ACVR1C: variants seen among roughly 807,000 people sequenced by gnomAD.
The protein encoded by ACVR1C is activin A receptor type 1C, also known as activin receptor type-1C.
ACVR1C carries 23 observed loss-of-function variants against 57.9 expected under a neutral mutation model. The observed-to-expected ratio is 0.40, with a 90% CI of 0.29 to 0.56. ACVR1C has a LOEUF of 0.56. ACVR1C is among the 20% of genes least tolerant of loss of function. The pLI, the probability that ACVR1C is intolerant of heterozygous loss-of-function variation, is 0.50. For synonymous variants in ACVR1C, 214 were observed against 215.3 expected (o/e 0.99, Z 0.05); for missense variants, 480 against 607.9 (o/e 0.79, Z 2.21).
intron 1 of ACVR1C, among the ~76,000 whole-genome samples, chr2:157,615,162 A>T (rs985201112): frequency 3.3e-5 from 5 of 152,122 alleles, no homozygotes; most frequent in Middle Eastern, 3.4e-3. Flanking sequence ...CATTTTAAAA[A>T]TATTTTTAAG....
intron 2 of ACVR1C, among the ~76,000 whole-genome samples, chr2:157,580,773 G>A (rs1381089382): frequency 3.3e-5 from 5 of 152,206 alleles, no homozygotes; most frequent in South Asian, 2.1e-4. Context: ...ACTGTATCAC[G>A]AGGCTGGGAA....
At chr2:157,616,344 T>C (rs1465279713) in intron 1 of ACVR1C, among the ~76,000 whole-genome samples, 1 of 152,140 alleles carries the variant, frequency 6.6e-6, no homozygotes, top group Non-Finnish European at 1.5e-5. Flanking sequence ...GTCAGGTCAA[T>C]TGATGAGCAC....
intron 1 of ACVR1C, among the ~76,000 whole-genome samples, chr2:157,615,250 T>C (rs986732000): frequency 6.6e-6 from 1 of 151,248 alleles, no homozygotes; most frequent in African/African-American, 2.4e-5. Flanking sequence ...GAGGATCACT[T>C]GAGGCCAGGA....
Position 157,575,238 on chromosome 2 carries a change from C to T in ACVR1C, c.304+11949G>A, listed in dbSNP as rs191446300. ...CCGCCTCCCGGGTTCAAGCGATTCTCCTGTCTCAGCCTCCTGAGTGAGTAG... is the reference window on the plus strand; with the variant it reads ...CCGCCTCCCGGGTTCAAGCGATTCTTCTGTCTCAGCCTCCTGAGTGAGTAG... On this transcript the variant is annotated intron_variant, in intron 2 of 8. Transcript: ENST00000243349. Among the ~76,000 whole-genome samples the T allele has an allele frequency of 6.1e-3, 918 of 151,542 alleles. 2 individuals are homozygous for T. Among genetic ancestry groups the T allele is most frequent in the African/African-American group, 0.021 (855 of 41,252 alleles).
At chr2:157,574,220 G>A (rs1461159768) in intron 2 of ACVR1C, among the ~76,000 whole-genome samples, 1 of 152,162 alleles carries the variant, frequency 6.6e-6, no homozygotes, top group Non-Finnish European at 1.5e-5. Flanking sequence ...CATAGTTCTG[G>A]AGGCTAGGAA....
intron 1 of ACVR1C, among the ~76,000 whole-genome samples, chr2:157,622,745 C>A (rs1682809174): frequency 6.6e-6 from 1 of 152,082 alleles, no homozygotes; most frequent in Non-Finnish European, 1.5e-5. Flanking sequence ...CCAAAGCAAA[C>A]ATGGACAAAT....
chr2:157,550,882 A>G (rs1329842003), intron 3 of ACVR1C, among the ~76,000 whole-genome samples: 1 of 152,208 alleles, frequency 6.6e-6, no homozygotes, highest in Non-Finnish European at 1.5e-5. Flanking sequence ...CATGTGAGAT[A>G]ATGATATTAC....
At chr2:157,541,464 G>A (rs1687623985) in intron 6 of ACVR1C, among the ~76,000 whole-genome samples, 1 of 152,150 alleles carries the variant, frequency 6.6e-6, no homozygotes, top group East Asian at 1.9e-4. Context: ...TTGAACAAGA[G>A]TCAGTATAAG....
intron 1 of ACVR1C, 94 bp downstream of exon 1, chr2:157,628,478 C>T (rs1682953794): frequency 1.4e-6 from 2 of 1,412,904 alleles, no homozygotes; most frequent in Admixed American, 2.0e-5. Context: ...TCAGTTTGCT[C>T]GGAGCACCCC....
At chr2:157,556,657 CTTT>C (rs1169628343) in intron 2 of ACVR1C, among the ~76,000 whole-genome samples, 5,615 of 86,766 alleles carry the variant, frequency 0.065, 64 homozygotes, top group East Asian at 0.18. Context: ...CAGCAGTACA[CTTT>C]TTTTTTTTTT....
intron 8 of ACVR1C, among the ~76,000 whole-genome samples, chr2:157,536,953 T>C (rs1290251757): frequency 2.6e-5 from 4 of 152,242 alleles, no homozygotes; most frequent in African/African-American, 9.6e-5. Context: ...AGTCATTGCA[T>C]TAAAAAACTA....
intron 2 of ACVR1C, among the ~76,000 whole-genome samples, chr2:157,580,735 C>G (rs1261610617): frequency 1.3e-5 from 2 of 152,014 alleles, no homozygotes; most frequent in African/African-American, 4.8e-5. Flanking sequence ...TCTGCCAGCT[C>G]TTGGTGGTGA....
intron 2 of ACVR1C, among the ~76,000 whole-genome samples, chr2:157,559,921 G>A (rs1466666015): frequency 6.6e-6 from 1 of 151,320 alleles, no homozygotes; most frequent in Non-Finnish European, 1.5e-5. Flanking sequence ...AAGGAAGAAG[G>A]AAGGAAAAAG....
Position 157,588,049 on chromosome 2 carries a change from T to C in ACVR1C, c.74-632A>G, listed in dbSNP as rs1277767277. 2.0e-5 allele frequency among the ~76,000 whole-genome samples: 3 copies of C among 152,062 alleles called. No individual in the cohort carries two copies. The East Asian group carries it at 5.8e-4, about 29-fold the overall frequency. On this transcript the variant is annotated intron_variant, in intron 1 of 8. Transcript: ENST00000243349. ...CCCCTCCTCACTAAAGAACGTATAC[T>C]AGAATGAATCATTTGAACAGACACC...
chr2:157,574,970 A>C (rs1688607759), intron 2 of ACVR1C, among the ~76,000 whole-genome samples: 1 of 151,890 alleles, frequency 6.6e-6, no homozygotes, highest in Admixed American at 6.6e-5. Flanking sequence ...TTTTTATTTA[A>C]TTTTTTTAAG....
At chr2:157,583,543 A>G (rs996545702) in intron 2 of ACVR1C, among the ~76,000 whole-genome samples, 1 of 152,342 alleles carries the variant, frequency 6.6e-6, no homozygotes, top group East Asian at 1.9e-4. Context: ...TTAAATAAAA[A>G]TGCAAAGGAC....
intron 4 of ACVR1C, among the ~76,000 whole-genome samples, chr2:157,546,649 T>C (rs894211684): frequency 2.0e-5 from 3 of 152,050 alleles, no homozygotes; most frequent in African/African-American, 7.2e-5. Flanking sequence ...CTGAATCAAG[T>C]TTTCCTCACT....
chr2:157,554,043 T>C (rs1687988640), intron 3 of ACVR1C, among the ~76,000 whole-genome samples: 1 of 150,554 alleles, frequency 6.6e-6, no homozygotes, highest in South Asian at 2.1e-4. Context: ...ATTAGCCAGG[T>C]GTAGTGGGGC....
intron 1 of ACVR1C, chr2:157,597,397 AG>A (rs530879121): frequency 1.0e-6 from 1 of 985,410 alleles, no homozygotes; most frequent in East Asian, 1.1e-4. Flanking sequence ...CCTCCCCCAG[AG>A]CAGCGGCCAG....
Sources: allele counts gnomAD v4.1 joint callset (sites outside exome capture counted in the v4.1 genomes callset), GRCh38; gene constraint gnomAD v4.1.1; transcripts MANE v1.5; gene names NCBI Gene and HGNC (gene_info 2026-07-23, HGNC 2026-07-21).